CDH12: variants seen among roughly 807,000 people sequenced by gnomAD.
CDH12 encodes cadherin 12, also known as cadherin-12.
CDH12 carries 41 observed loss-of-function variants against 74.1 expected under a neutral mutation model. That is an observed-to-expected ratio of 0.55 (90% CI 0.43 to 0.72). The LOEUF is 0.72. Ranked by LOEUF, CDH12 falls within the 30% of genes least tolerant of loss-of-function variation. CDH12 has a pLI of 0.00. For synonymous variants in CDH12, 399 were observed against 355.0 expected (o/e 1.12, Z -1.39); for missense variants, 945 against 977.2 (o/e 0.97, Z 0.44).
intron 3 of CDH12, among the ~76,000 whole-genome samples, chr5:22,222,775 A>G (rs35411237): frequency 0.43 from 64,572 of 151,612 alleles, 15,216 homozygotes; most frequent in Non-Finnish European, 0.53. Context: ...GCTATACTCT[A>G]CTTTTACTAG....
chr5:21,989,150 A>G (rs1757644767), intron 5 of CDH12, among the ~76,000 whole-genome samples: 1 of 152,224 alleles, frequency 6.6e-6, no homozygotes, highest in African/African-American at 2.4e-5. Context: ...GAAAAGACAA[A>G]AGTGTAGTCA....
chr5:22,343,319 CACACAGAGAGAGAGAGAG>C (rs1226687811), intron 3 of CDH12, among the ~76,000 whole-genome samples: 5 of 131,044 alleles, frequency 3.8e-5, no homozygotes, highest in African/African-American at 1.7e-4. Context: ...CACAGACACA[CACACAGAGAGAGAGAGAG>C]AGAGAGAGAG....
intron 6 of CDH12, among the ~76,000 whole-genome samples, chr5:21,951,825 A>G (rs1241539762): frequency 6.6e-6 from 1 of 152,214 alleles, no homozygotes; most frequent in African/African-American, 2.4e-5. Flanking sequence ...ATGTCTCTCA[A>G]ATAGCAGGAA....
chr5:22,607,742 A>G (rs528590450), intron 1 of CDH12, among the ~76,000 whole-genome samples: 20 of 152,332 alleles, frequency 1.3e-4, no homozygotes, highest in African/African-American at 4.8e-4. Flanking sequence ...CAGCCTCCAG[A>G]CTTGGTGCAC....
intron 6 of CDH12, among the ~76,000 whole-genome samples, chr5:21,916,749 G>C (rs10035583): frequency 0.74 from 112,573 of 151,912 alleles, 44,274 homozygotes; most frequent in East Asian, 0.93. Flanking sequence ...AATTGATGCT[G>C]TCCGATGCAA....
Position 21,990,261 on chromosome 5 carries a change from G to A in CDH12, c.232-14876C>T, listed in dbSNP as rs533250856. 9.2e-5 allele frequency among the ~76,000 whole-genome samples: 14 copies of A among 152,200 alleles called. No individual in the cohort carries two copies. The South Asian group carries it at 2.9e-3, about 32-fold the overall frequency. On this transcript the variant is annotated intron_variant, in intron 5 of 14. Transcript: ENST00000382254. Reference sequence around the variant, plus strand: ...GAATGAATGCATGCACATATAGCAAGCCCATCTTTAAATTTTGTTGTTGTT... The same window carrying A: ...GAATGAATGCATGCACATATAGCAAACCCATCTTTAAATTTTGTTGTTGTT...
chr5:22,758,989 AT>A (rs1039405948), intron 1 of CDH12, among the ~76,000 whole-genome samples: 25 of 151,854 alleles, frequency 1.6e-4, no homozygotes, highest in Non-Finnish European at 3.4e-4. Context: ...GATATTGTCT[AT>A]TTTTTTTGTC....
At chr5:22,794,559 A>T (rs1748090885) in intron 1 of CDH12, among the ~76,000 whole-genome samples, 1 of 152,318 alleles carries the variant, frequency 6.6e-6, no homozygotes, top group South Asian at 2.1e-4. Context: ...GGCCAGTCAG[A>T]TTATCTGTTA....
intron 1 of CDH12, among the ~76,000 whole-genome samples, chr5:22,574,430 C>T (rs1739683648): frequency 6.6e-6 from 1 of 152,068 alleles, no homozygotes; most frequent in Non-Finnish European, 1.5e-5. Context: ...ATAACACTCC[C>T]TTACACTGTG....
intron 3 of CDH12, among the ~76,000 whole-genome samples, chr5:22,267,645 A>T (rs1249861717): frequency 6.6e-6 from 1 of 152,130 alleles, no homozygotes; most frequent in African/African-American, 2.4e-5. Flanking sequence ...ATTCTGATGG[A>T]TGTTGACCAA....
At position 22,289,373 on chromosome 5, in the gene CDH12, T is replaced by C. The variant is rs149181573; in HGVS notation, c.-332-76730A>G. Among the ~76,000 whole-genome samples, 337 of 152,322 alleles carry C rather than the reference T, an allele frequency of 2.2e-3. 1 individual carries two copies. The highest frequency in any genetic ancestry group is 7.8e-3 in the African/African-American group (326 of 41,574). On this transcript the variant is annotated intron_variant, in intron 3 of 14. Transcript: ENST00000382254. ...GCAACTGAATAAAATTAATGGATTA[T>C]GGAGAGAAGTCATCTGTTCATCAAG...
chr5:22,513,388 G>C (rs2126674962), intron 1 of CDH12, among the ~76,000 whole-genome samples: 1 of 151,928 alleles, frequency 6.6e-6, no homozygotes, highest in African/African-American at 2.4e-5. Flanking sequence ...AAAAAAAAAT[G>C]TATTGACAGC....
intron 6 of CDH12, among the ~76,000 whole-genome samples, chr5:21,927,772 A>G (rs1579974953): frequency 6.6e-6 from 1 of 152,044 alleles, no homozygotes; most frequent in East Asian, 1.9e-4. Context: ...TGGTAGTAAG[A>G]ATGATGGTGA....
At chr5:22,409,727 T>C (rs1327745215) in intron 2 of CDH12, among the ~76,000 whole-genome samples, 1 of 152,112 alleles carries the variant, frequency 6.6e-6, no homozygotes, top group African/African-American at 2.4e-5. Context: ...TGTGATGAGA[T>C]ACTGAAATAC....
At position 22,643,733 on chromosome 5, in the gene CDH12, C is replaced by CTTTTTTTT; in HGVS notation, c.-522-138377_-522-138370dup. On this transcript the variant is annotated intron_variant, in intron 1 of 14. Coordinates refer to ENST00000382254, the MANE Select transcript of CDH12 (RefSeq NM_004061.5). ...ATTGCGCTTTTGGATTTTAAGGTAT[C>CTTTTTTTT]TTTTTTTTTTTTTTTTTTTTTTTTT... Among the ~76,000 whole-genome samples, 129 of 51,206 alleles carry CTTTTTTTT rather than the reference C, an allele frequency of 2.5e-3. 11 individuals carry two copies. Among genetic ancestry groups the CTTTTTTTT allele is most frequent in the African/African-American group, 4.9e-3 (62 of 12,596 alleles). 33.6% of individuals were successfully genotyped at this position (51,206 alleles called of 152,430 possible).
At chr5:21,758,081 A>G (rs2149867139) in intron 13 of CDH12, among the ~76,000 whole-genome samples, 1 of 152,290 alleles carries the variant, frequency 6.6e-6, no homozygotes, top group Non-Finnish European at 1.5e-5. Context: ...GACTACTAAC[A>G]TTATTGGTTT....
intron 6 of CDH12, among the ~76,000 whole-genome samples, chr5:21,949,853 G>C (rs540631208): frequency 1.3e-5 from 2 of 152,128 alleles, no homozygotes; most frequent in Non-Finnish European, 1.5e-5. Flanking sequence ...AAGTAAAAAA[G>C]TTACTGTAGG....
intron 5 of CDH12, among the ~76,000 whole-genome samples, chr5:21,990,286 TGTC>T (rs1757690647): frequency 6.6e-6 from 1 of 152,118 alleles, no homozygotes; most frequent in Non-Finnish European, 1.5e-5. Flanking sequence ...TTGTTGTTGT[TGTC>T]GTTTGAATTT....
chr5:22,811,419 C>T (rs760120181), intron 1 of CDH12, among the ~76,000 whole-genome samples: 2 of 152,000 alleles, frequency 1.3e-5, no homozygotes, highest in African/African-American at 2.4e-5. Context: ...TATTCAGTGG[C>T]GGAAGTTGCT....
Sources: allele counts gnomAD v4.1 joint callset (sites outside exome capture counted in the v4.1 genomes callset), GRCh38; gene constraint gnomAD v4.1.1; transcripts MANE v1.5; gene names NCBI Gene and HGNC (gene_info 2026-07-23, HGNC 2026-07-21).